Variants in MAPKAP1 observed in about 807,000 individuals in gnomAD.
MAPKAP1 encodes MAPK associated protein 1.
In MAPKAP1, 20 loss-of-function variants were observed where a neutral mutation model predicts 65.7. The ratio of observed to expected loss-of-function variants is 0.30; its 90% CI spans 0.21 to 0.44. The LOEUF (loss-of-function observed/expected upper bound fraction) is 0.44, where lower values mean the gene tolerates loss of function less well. MAPKAP1 is among the 20% of genes least tolerant of loss of function. The pLI, the probability that MAPKAP1 is intolerant of heterozygous loss-of-function variation, is 1.00. For synonymous variants in MAPKAP1, 222 were observed against 244.3 expected, an observed-to-expected ratio of 0.91 and a Z score of 0.85; for missense variants, 423 against 648.0, an observed-to-expected ratio of 0.65 and a Z score of 3.77.
chr9:125,441,437 G>A (rs947410617), intron 11 of MAPKAP1, among the ~76,000 whole-genome samples: 1 of 152,118 alleles, frequency 6.6e-6, no homozygotes, highest in African/African-American at 2.4e-5. Flanking sequence ...TCTGGAGGGC[G>A]GTCAGGAAGA....
At chr9:125,498,283 T>C (rs988868876) in intron 8 of MAPKAP1, among the ~76,000 whole-genome samples, 5 of 152,234 alleles carry the variant, frequency 3.3e-5, no homozygotes, top group Non-Finnish European at 7.3e-5. Context: ...ACAATTGTAA[T>C]AGCCATTCTT....
At chr9:125,597,426 C>A (rs1832170453) in intron 4 of MAPKAP1, among the ~76,000 whole-genome samples, 1 of 151,910 alleles carries the variant, frequency 6.6e-6, no homozygotes, top group Non-Finnish European at 1.5e-5. Flanking sequence ...GGCAACAGAG[C>A]AAGACCCTGT....
At chr9:125,538,218 T>A (rs1207582374) in intron 7 of MAPKAP1, among the ~76,000 whole-genome samples, 1 of 152,198 alleles carries the variant, frequency 6.6e-6, no homozygotes, top group African/African-American at 2.4e-5. Flanking sequence ...GGTTGCTGTG[T>A]AAACAACAGA....
At chr9:125,594,663 C>G (rs541306236) in intron 4 of MAPKAP1, among the ~76,000 whole-genome samples, 2 of 152,184 alleles carry the variant, frequency 1.3e-5, no homozygotes, top group Non-Finnish European at 2.9e-5. Context: ...CACAGACTTA[C>G]AGTTTCACTT....
intron 8 of MAPKAP1, among the ~76,000 whole-genome samples, chr9:125,496,177 T>G (rs967077792): frequency 6.6e-6 from 1 of 152,158 alleles, no homozygotes; most frequent in African/African-American, 2.4e-5. Flanking sequence ...GCCTTTATAG[T>G]GCGAACCAGT....
Position 125,538,183 on chromosome 9 carries a change from G to A in MAPKAP1, c.958+4876C>T, listed in dbSNP as rs145488151. Among the ~76,000 whole-genome samples, 35 of 152,266 alleles carry A rather than the reference G, an allele frequency of 2.3e-4. No individual in the cohort carries two copies. The East Asian group carries it at 6.4e-3, about 28-fold the overall frequency. Reference sequence around the variant, plus strand: ...GAAGAGTTCGGAGCAGATATGCTCTGACTCATATTTTAAAATCTCTCTTTG... The same window carrying A: ...GAAGAGTTCGGAGCAGATATGCTCTAACTCATATTTTAAAATCTCTCTTTG... On this transcript the variant is annotated intron_variant, in intron 7 of 11. Transcript: ENST00000265960.
intron 4 of MAPKAP1, among the ~76,000 whole-genome samples, chr9:125,614,403 C>T (rs1428485704): frequency 2.6e-5 from 4 of 152,132 alleles, no homozygotes; most frequent in African/African-American, 9.7e-5. Flanking sequence ...GTGGGCAGAT[C>T]ACCTGAGGTC....
chr9:125,697,394 CAA>C (rs1479733695), intron 1 of MAPKAP1, among the ~76,000 whole-genome samples: 1 of 152,088 alleles, frequency 6.6e-6, no homozygotes, highest in African/African-American at 2.4e-5. Context: ...AGAAAAATAT[CAA>C]GTCTTATAAT....
intron 4 of MAPKAP1, among the ~76,000 whole-genome samples, chr9:125,655,416 A>G (rs1834002146): frequency 6.6e-6 from 1 of 152,190 alleles, no homozygotes; most frequent in South Asian, 2.1e-4. Context: ...GTGCTGTTAT[A>G]ACTACTACAA....
chr9:125,702,412 T>C (rs546154859), intron 1 of MAPKAP1, among the ~76,000 whole-genome samples: 2 of 152,230 alleles, frequency 1.3e-5, no homozygotes, highest in African/African-American at 4.8e-5. Context: ...CGCATACCTG[T>C]AATCCCAGCT....
chr9:125,619,731 T>A (rs1288071971), intron 4 of MAPKAP1, among the ~76,000 whole-genome samples: 1 of 151,480 alleles, frequency 6.6e-6, no homozygotes, highest in African/African-American at 2.4e-5. Context: ...TGAAAAAAAA[T>A]TTCTCCACAT....
intron 4 of MAPKAP1, among the ~76,000 whole-genome samples, chr9:125,653,078 C>A (rs1292239755): frequency 1.3e-5 from 2 of 152,210 alleles, no homozygotes; most frequent in Non-Finnish European, 2.9e-5. Flanking sequence ...ATGTGCTACA[C>A]GTCCTGCTAA....
At chr9:125,443,696 G>GC (rs1852586445) in intron 11 of MAPKAP1, among the ~76,000 whole-genome samples, 1 of 98,862 alleles carries the variant, frequency 1.0e-5, no homozygotes, top group Non-Finnish European at 2.1e-5. Flanking sequence ...AGCCCCGCCA[G>GC]CTCCCCCAGC....
intron 4 of MAPKAP1, among the ~76,000 whole-genome samples, chr9:125,594,530 C>T (rs571928900): frequency 1.2e-4 from 18 of 152,312 alleles, no homozygotes; most frequent in African/African-American, 4.3e-4. Context: ...AAATGCCTGC[C>T]ACAAAGTCAC....
intron 7 of MAPKAP1, among the ~76,000 whole-genome samples, chr9:125,515,506 C>T (rs565098722): frequency 6.6e-6 from 1 of 152,178 alleles, no homozygotes; most frequent in Non-Finnish European, 1.5e-5. Context: ...ATAATCAATA[C>T]TCATCTAAAT....
intron 1 of MAPKAP1, among the ~76,000 whole-genome samples, chr9:125,699,241 C>A (rs899658893): frequency 2.6e-5 from 4 of 152,076 alleles, no homozygotes; most frequent in Admixed American, 2.0e-4. Flanking sequence ...CAGGGTCTCC[C>A]TCTGTCATCC....
chr9:125,551,948 G>C (rs973354400), intron 6 of MAPKAP1, among the ~76,000 whole-genome samples: 1 of 152,136 alleles, frequency 6.6e-6, no homozygotes, highest in East Asian at 1.9e-4. Flanking sequence ...GTCACTGCTG[G>C]CAAGAAACAC....
chr9:125,672,474 T>C lies in MAPKAP1; in HGVS notation c.101A>G (p.His34Arg). The change falls in exon 2 of 12, where the codon CAT (histidine) becomes CGT (arginine). Residue 34 changes from histidine (H) to arginine (R), a missense_variant. Physicochemically the swap from His to Arg is conservative, Grantham distance 29. Transcript: ENST00000265960. Reference sequence around the variant, plus strand: ...ATGAATCTTCTCTAGGTCAACATCATGATCAATGAGAACCATCTCACACAT... The same window carrying C: ...ATGAATCTTCTCTAGGTCAACATCACGATCAATGAGAACCATCTCACACAT... Reference protein sequence around the residue: ...TGMCEMVLIDHDVDLEKIHPP... With the variant: ...TGMCEMVLIDRDVDLEKIHPP... 1 of 1,614,208 alleles carries C rather than the reference T, an allele frequency of 6.2e-7. No homozygotes were observed. The highest frequency in any genetic ancestry group is 8.5e-7 in the Non-Finnish European group (1 of 1,180,030).
intron 4 of MAPKAP1, among the ~76,000 whole-genome samples, chr9:125,615,279 G>T (rs1029778149): frequency 6.6e-6 from 1 of 152,086 alleles, no homozygotes; most frequent in Admixed American, 6.5e-5. Flanking sequence ...TCACTTAAAT[G>T]ATATATCATG....
Sources: allele counts gnomAD v4.1 joint callset (sites outside exome capture counted in the v4.1 genomes callset), GRCh38; gene constraint gnomAD v4.1.1; transcripts MANE v1.5; gene names NCBI Gene and HGNC (gene_info 2026-07-23, HGNC 2026-07-21).